CCL14: variants seen among roughly 807,000 people sequenced by gnomAD.
CCL14 encodes the protein C-C motif chemokine ligand 14.
In CCL14, 8 loss-of-function variants were observed where a neutral mutation model predicts 8.2. The ratio of observed to expected loss-of-function variants is 0.98; its 90% CI spans 0.57 to 1.76. CCL14 has a LOEUF of 1.76. CCL14 is among the 40% of genes most tolerant of loss of function. CCL14 has a pLI of 0.00. For synonymous variants in CCL14, 50 were observed against 43.2 expected (o/e 1.16, Z -0.62); for missense variants, 127 against 118.3 (o/e 1.07, Z -0.34).
rs778350631 is a variant in CCL14, at chr17:35,984,315, T to C, written c.194+23A>G. On this transcript the variant is annotated intron_variant, in intron 2 of 2. Transcript: ENST00000618404. ...CCCTGCTGGCTCCCTCTCCCCCCAG[T>C]GTGATGTGTGTGTACCACCTACACA... 28 of 1,519,624 alleles carry C rather than the reference T, an allele frequency of 1.8e-5. No homozygotes were observed. In the East Asian group the frequency reaches 2.7e-4, roughly 15 times the overall value. The allele number at this position is 1,519,624 out of a possible 1,614,324, so 94.1% of individuals were successfully genotyped here.
intron 1 of CCL14, chr17:35,986,183 C>A (rs116561020): frequency 0.027 from 9,387 of 345,334 alleles, 167 homozygotes; most frequent in Non-Finnish European, 0.03. Context: ...TCCTGGGGGG[C>A]AATGATAAGA....
chr17:35,985,453 ATGT>A (rs1457862875), intron 1 of CCL14: 2 of 416,658 alleles, frequency 4.8e-6, no homozygotes, highest in South Asian at 6.3e-5. Context: ...AAACAGGCAC[ATGT>A]TGTGGTTATG....
chr17:35,984,286 G>A, intron 2 of CCL14, 52 bp downstream of exon 2: 1 of 1,310,360 alleles, frequency 7.6e-7, no homozygotes, highest in Non-Finnish European at 1.1e-6. Flanking sequence ...TTCCCTCCAG[G>A]AGGCCCTGCT....
intron 1 of CCL14, chr17:35,984,836 C>CT (rs2089737267): frequency 2.5e-6 from 1 of 405,492 alleles, no homozygotes; most frequent in East Asian, 3.6e-5. Flanking sequence ...GGGAAAGGTG[C>CT]TCCAAATAGG....
At chr17:35,984,214 C>T (rs2089719686) in intron 2 of CCL14, 124 bp downstream of exon 2, 3 of 729,462 alleles carry the variant, frequency 4.1e-6, no homozygotes, top group Non-Finnish European at 7.2e-6. Context: ...TCAGCTGCCT[C>T]TCCCCATGTA....
In CCL14 at chr17:35,983,729, G is replaced by A; in HGVS notation, c.*72C>T. ...TGACTGGGGCTGAGAGTTAGCGGTG[G>A]GTGGAGGAGGGGGCCTTGGCATCTT... On this transcript the variant is annotated 3_prime_UTR_variant, in exon 3 of 3. Transcript: ENST00000618404. 1 of 1,027,930 alleles carries A rather than the reference G, an allele frequency of 9.7e-7. No individual in the cohort carries two copies. The highest frequency in any genetic ancestry group is 1.5e-6 in the Non-Finnish European group (1 of 646,078). 63.7% of individuals were successfully genotyped at this position (1,027,930 alleles called of 1,614,324 possible). A position where few individuals can be genotyped will look rare whatever the true frequency, so the allele number is the denominator to read the frequency against.
Position 35,983,850 on chromosome 17 carries a change from GGGTT to G in CCL14, c.229_232del (p.Asn77ProfsTer13). On this transcript the variant is annotated frameshift_variant, in exon 3 of 3. Transcript: ENST00000618404. LOFTEE classifies it low-confidence loss of function (END_TRUNC). Reference sequence around the variant, plus strand: ...ATAGTCCTGGACCCACTTGTCACTGGGGTTGGTACAGACGGAATGGCCCCTTTTG... The same window carrying G: ...ATAGTCCTGGACCCACTTGTCACTGGGGTACAGACGGAATGGCCCCTTTTG... 1 of 1,614,104 alleles carries G rather than the reference GGGTT, an allele frequency of 6.2e-7. No individual in the cohort carries two copies. The highest frequency in any genetic ancestry group is 8.5e-7 in the Non-Finnish European group (1 of 1,179,970).
rs545474192 is a variant in CCL14 at position 35,986,000 on chromosome 17, G to A, written c.79+571C>T. On this transcript the variant is annotated intron_variant, in intron 1 of 2. Transcript: ENST00000618404. ...GCAGGCTGGGCCCAAACCTCAGGAG[G>A]CCAATAGAAAAATGCCCTTGAGGGG... 30 of 568,530 alleles carry A rather than the reference G, an allele frequency of 5.3e-5. No homozygotes were observed. In the South Asian group the frequency reaches 7.0e-4, roughly 13 times the overall value. The allele number at this position is 568,530 out of a possible 1,614,324, so 35.2% of individuals were successfully genotyped here. A position where few individuals can be genotyped will look rare whatever the true frequency, so the allele number is the denominator to read the frequency against.
chr17:35,986,591 G>T lies in CCL14; in HGVS notation c.59C>A (p.Thr20Asn), dbSNP rs1237266412. ...FFLLITIALG[T>N]KTESSSRGPY... ...CTCACGTGAGGAGGATTCAGTCTTG[G>T]TCCCTAGGGCGATGGTGATGAGGAG... Residue 20 changes from threonine (T) to asparagine (N), a missense_variant, in exon 1 of 3, where the codon ACC becomes AAC. Physicochemically the swap from Thr to Asn is moderately conservative, Grantham distance 65 (BLOSUM62 0). Coordinates refer to ENST00000618404, the MANE Select transcript of CCL14 (RefSeq NM_032963.4). The T allele has an allele frequency of 1.2e-6, 2 of 1,613,842 alleles. No individual in the cohort carries two copies. Among genetic ancestry groups the T allele is most frequent in the South Asian group, 1.1e-5 (1 of 91,080 alleles).
intron 1 of CCL14, 196 bp from the exon 2 acceptor site, chr17:35,984,648 C>T (rs2089733107): frequency 1.7e-6 from 1 of 597,048 alleles, no homozygotes; most frequent in Non-Finnish European, 3.0e-6. Context: ...TTTCTCCTCC[C>T]TCATCATCAA....
At position 35,984,463 on chromosome 17, in the gene CCL14, A is replaced by G. The variant is rs2089728124; in HGVS notation, c.80-11T>C. 6.3e-7 allele frequency: 1 copy of G among 1,589,166 alleles called. No homozygotes were observed. The highest frequency in any genetic ancestry group is 1.3e-5 in the African/African-American group (1 of 74,360). ...GGTGGTAAGGTCCCCCTGAGGAGAG[A>G]GCATCAGATGCTGAGGAGGGGCCCC... On this transcript the variant is annotated splice_polypyrimidine_tract_variant and intron_variant, in intron 1 of 2. Coordinates refer to ENST00000618404, the MANE Select transcript of CCL14 (RefSeq NM_032963.4).
chr17:35,985,628 A>T, intron 1 of CCL14: 1 of 797,760 alleles, frequency 1.3e-6, no homozygotes, highest in East Asian at 2.7e-5. Flanking sequence ...CTCACGATCC[A>T]AAGAACGGCA....
chr17:35,984,913 C>G (rs1438875712), intron 1 of CCL14: 3 of 244,718 alleles, frequency 1.2e-5, no homozygotes, highest in African/African-American at 6.7e-5. Flanking sequence ...AAACCCAGCC[C>G]CTCCTAGTGC....
chr17:35,985,703 G>C (rs1257286210), intron 1 of CCL14: 6 of 1,512,650 alleles, frequency 4.0e-6, no homozygotes, highest in African/African-American at 1.4e-5. Flanking sequence ...GTTCCTCTGA[G>C]CTGACAAATG....
intron 1 of CCL14, chr17:35,986,192 G>A (rs1474539755): frequency 5.7e-6 from 2 of 353,268 alleles, no homozygotes; most frequent in Non-Finnish European, 1.0e-5. Flanking sequence ...GCAATGATAA[G>A]AGATCAAGGC....
chr17:35,986,401 G>C (rs1484403109), intron 1 of CCL14, 170 bp downstream of exon 1: 1 of 621,202 alleles, frequency 1.6e-6, no homozygotes, highest in Non-Finnish European at 2.9e-6. Context: ...AAGTGCTGTG[G>C]TGCTCAGTAG....
At chr17:35,986,111 A>G (rs753346736) in intron 1 of CCL14, 23 of 418,026 alleles carry the variant, frequency 5.5e-5, no homozygotes, top group Non-Finnish European at 9.7e-5. Context: ...AGAGAGAGAA[A>G]TTGAGGGAGT....
chr17:35,983,506 C>T lies in CCL14; in HGVS notation c.*295G>A. ...TGCTTTTCTTTCTCACTTTCTGCTT[C>T]TCACTACCTGCATTGCAGGCCTGAC... On this transcript the variant is annotated 3_prime_UTR_variant, in exon 3 of 3. Coordinates refer to ENST00000618404, the MANE Select transcript of CCL14 (RefSeq NM_032963.4). The T allele has an allele frequency of 2.6e-6, 1 of 381,948 alleles. No individual in the cohort carries two copies. The highest frequency in any genetic ancestry group is 4.7e-6 in the Non-Finnish European group (1 of 211,952). The allele number at this position is 381,948 out of a possible 1,614,324, so 23.7% of individuals were successfully genotyped here.
At chr17:35,984,250 G>A in intron 2 of CCL14, 88 bp downstream of exon 2, 1 of 972,686 alleles carries the variant, frequency 1.0e-6, no homozygotes, top group Non-Finnish European at 1.7e-6. Flanking sequence ...TACGCTGGGG[G>A]TCCCCATTCC....
Sources: allele counts gnomAD v4.1 joint callset, GRCh38; gene constraint gnomAD v4.1.1; transcripts MANE v1.5; gene names NCBI Gene and HGNC (gene_info 2026-07-23, HGNC 2026-07-21).